The following MEP1A variants were observed in gnomAD, a reference collection of about 807,000 sequenced individuals.
MEP1A encodes meprin A subunit alpha.
Under a neutral mutation model 84.5 loss-of-function variants are expected in MEP1A, and 68 were observed. The observed-to-expected ratio is 0.80, with a 90% CI of 0.66 to 0.98. MEP1A has a LOEUF of 0.98. Among genes scored for constraint, MEP1A ranks in the 50% least tolerant of loss-of-function variants. The probability of loss-of-function intolerance (pLI) is 0.00; values close to 1 mark genes in which losing one functional copy is unlikely to be tolerated. For missense variants in MEP1A, 887 were observed against 919.9 expected (o/e 0.96, Z 0.46); for synonymous variants, 337 against 336.8 (o/e 1.00, Z -0.01).
chr6:46,834,844 G>A (rs1183600994), intron 12 of MEP1A, 93 bp downstream of exon 12: 1 of 958,702 alleles, frequency 1.0e-6, no homozygotes. Context: ...GGAGGGTGGG[G>A]ATGAGGTTAA....
At position 46,839,059 on chromosome 6, in the gene MEP1A, G is replaced by C. The variant is rs758716775; in HGVS notation, c.2164G>C (p.Val722Leu). Reference sequence around the variant, plus strand: ...GGTGCACGGCAGTGTCCTGGGCATGGTGATCGGAGGCACGGCTGGCGTGAT... The same window carrying C: ...GGTGCACGGCAGTGTCCTGGGCATGCTGATCGGAGGCACGGCTGGCGTGAT... ...VQVHGSVLGMVIGGTAGVIFL... is the reference protein window; with the variant it reads ...VQVHGSVLGMLIGGTAGVIFL... The change falls in exon 14 of 14, where the codon GTG (valine) becomes CTG (leucine). Residue 722 changes from valine to leucine, a missense_variant. Physicochemically the swap from Val to Leu is conservative, Grantham distance 32. Coordinates refer to ENST00000230588, the MANE Select transcript of MEP1A (RefSeq NM_005588.3). The C allele has an allele frequency of 6.2e-7, 1 of 1,613,880 alleles. No individual in the cohort carries two copies. The highest frequency in any genetic ancestry group is 1.1e-5 in the South Asian group (1 of 91,064).
chr6:46,819,415 A>G, intron 6 of MEP1A, 114 bp from the exon 7 acceptor site: 1 of 808,294 alleles, frequency 1.2e-6, no homozygotes, highest in Non-Finnish European at 1.9e-6. Context: ...TGCTGTTGGT[A>G]ATTTCTTTCT....
chr6:46,827,408 G>A (rs994494008), intron 9 of MEP1A, among the ~76,000 whole-genome samples: 3 of 152,242 alleles, frequency 2.0e-5, no homozygotes, highest in African/African-American at 4.8e-5. Flanking sequence ...CAGAGGTTCC[G>A]TTTATTTTGT....
chr6:46,809,837 A>AT lies in MEP1A; in HGVS notation c.380+309dup, dbSNP rs908829060. On this transcript the variant is annotated intron_variant, in intron 6 of 13. Transcript: ENST00000230588. ...GTATATATATATATATTTTACATATATTTTTTTTTCTTTATCACCTTGTTG... is the reference window on the plus strand; with the variant it reads ...GTATATATATATATATTTTACATATATTTTTTTTTTCTTTATCACCTTGTTG... Among the ~76,000 whole-genome samples the AT allele has an allele frequency of 1.2e-4, 7 of 58,878 alleles. No individual in the cohort carries two copies. The South Asian group carries it at 1.8e-3, about 15-fold the overall frequency. 38.6% of individuals were successfully genotyped at this position (58,878 alleles called of 152,430 possible). A position where few individuals can be genotyped will look rare whatever the true frequency, so the allele number is the denominator to read the frequency against.
At chr6:46,834,486 TGA>T in intron 11 of MEP1A, 90 bp from the exon 12 acceptor site, 3 of 374,208 alleles carry the variant, frequency 8.0e-6, no homozygotes, top group Non-Finnish European at 1.5e-5. Flanking sequence ...TATTTATTTC[TGA>T]TTCACAAAGC....
intron 3 of MEP1A, among the ~76,000 whole-genome samples, chr6:46,795,632 C>A (rs1195273059): frequency 6.6e-6 from 1 of 152,132 alleles, no homozygotes; most frequent in East Asian, 1.9e-4. Context: ...ACAGTTGAGA[C>A]TTTTCAGCAC....
In MEP1A at chr6:46,834,647, T is replaced by G; in HGVS notation, c.1679T>G (p.Phe560Cys). 1 of 1,611,422 alleles carries G rather than the reference T, an allele frequency of 6.2e-7. No individual in the cohort carries two copies. Among genetic ancestry groups the G allele is most frequent in the Non-Finnish European group, 8.5e-7 (1 of 1,179,420 alleles). ...ACCTATCATACGGACTGTAATTGTT[T>G]TAGAAGCATCGACTTGGGCTGGAGT... ...VGTYHTDCNC[F>C]RSIDLGWSGF... Residue 560 changes from phenylalanine to cysteine, a missense_variant, in exon 12 of 14, where the codon TTT becomes TGT. Physicochemically the swap from Phe to Cys is radical, Grantham distance 205. Transcript: ENST00000230588.
chr6:46,835,321 A>G lies in MEP1A; in HGVS notation c.1856A>G (p.Gln619Arg). ...CTGAGCCCCCAAGGCCTCATTCTCC[A>G]AGGCCAGGAGCAGCAGGTCTCCGAA... is the stretch of plus-strand genomic sequence containing the variant. ...KRLSPQGLIL[Q>R]GQEQQVSEEG... The change falls in exon 13 of 14, where the codon CAA becomes CGA. Residue 619 changes from glutamine to arginine, a missense_variant. Transcript: ENST00000230588. 6.2e-7 allele frequency: 1 copy of G among 1,608,452 alleles called. No individual in the cohort carries two copies. Among genetic ancestry groups the G allele is most frequent in the Non-Finnish European group, 8.5e-7 (1 of 1,177,498 alleles).
At chr6:46,798,717 G>A in intron 4 of MEP1A, 71 bp downstream of exon 4, 1 of 1,364,112 alleles carries the variant, frequency 7.3e-7, no homozygotes, top group Non-Finnish European at 1.0e-6. Context: ...TCTCTGCTCT[G>A]CGGCCAGCCC....
intron 7 of MEP1A, among the ~76,000 whole-genome samples, chr6:46,820,630 G>A (rs1014763399): frequency 1.3e-5 from 2 of 152,062 alleles, no homozygotes; most frequent in African/African-American, 2.4e-5. Context: ...TCAGGTGATC[G>A]GCCTGCCTTG....
At chr6:46,836,005 A>G (rs1768209431) in intron 13 of MEP1A, among the ~76,000 whole-genome samples, 1 of 152,212 alleles carries the variant, frequency 6.6e-6, no homozygotes, top group Non-Finnish European at 1.5e-5. Flanking sequence ...CAATAATAGT[A>G]GTAAGAACAC....
chr6:46,838,586 T>C (rs576138433), intron 13 of MEP1A, among the ~76,000 whole-genome samples: 11 of 152,288 alleles, frequency 7.2e-5, no homozygotes, highest in Admixed American at 1.3e-4. Context: ...CTTTGTAGCT[T>C]ATATTCTCAG....
intron 3 of MEP1A, among the ~76,000 whole-genome samples, chr6:46,797,946 C>A (rs1767102301): frequency 8.5e-6 from 1 of 117,714 alleles, no homozygotes; most frequent in African/African-American, 3.2e-5. Flanking sequence ...TTCCTTCCTT[C>A]CTTCCTTCCT....
At position 46,835,443 on chromosome 6, in the gene MEP1A, C is replaced by G. The variant is rs774580821; in HGVS notation, c.1978C>G (p.Pro660Ala). 2.5e-6 allele frequency: 4 copies of G among 1,612,412 alleles called. No homozygotes were observed. Among genetic ancestry groups the G allele is most frequent in the South Asian group, 1.1e-5 (1 of 90,742 alleles). Residue 660 changes from proline to alanine, a missense_variant, in exon 13 of 14, where the codon CCC becomes GCC. Transcript: ENST00000230588. Reference sequence around the variant, plus strand: ...GAAGCGGTCGGTGGAGAACACAGGCCCCCTGGAGGACCATAACTGGCCACA... The same window carrying G: ...GAAGCGGTCGGTGGAGAACACAGGCGCCCTGGAGGACCATAACTGGCCACA... ...RQKRSVENTG[P>A]LEDHNWPQYF...
chr6:46,795,314 C>T lies in MEP1A; in HGVS notation c.145+1598C>T, dbSNP rs1767026745. ...TCTTTTTTCTCTTTTCTTTTCTTTT[C>T]TCCTGAGATGGAGTGTTGCTATGTC... On this transcript the variant is annotated intron_variant, in intron 3 of 13. Coordinates refer to ENST00000230588, the MANE Select transcript of MEP1A (RefSeq NM_005588.3). 1.3e-5 allele frequency among the ~76,000 whole-genome samples: 2 copies of T among 151,992 alleles called. 1 individual carries two copies. The highest frequency in any genetic ancestry group is 1.3e-4 in the Admixed American group (2 of 15,248).
At chr6:46,794,276 C>T (rs1474678558) in intron 3 of MEP1A, among the ~76,000 whole-genome samples, 2 of 152,220 alleles carry the variant, frequency 1.3e-5, no homozygotes, top group Admixed American at 1.3e-4. Context: ...TGTCCTGCTT[C>T]TGAAATGAGA....
intron 9 of MEP1A, among the ~76,000 whole-genome samples, chr6:46,826,866 A>G (rs1255592982): frequency 6.6e-6 from 1 of 152,232 alleles, no homozygotes; most frequent in East Asian, 1.9e-4. Flanking sequence ...CACAATGGAT[A>G]ACACATGGGA....
intron 7 of MEP1A, 87 bp downstream of exon 7, chr6:46,819,791 C>T (rs1767726140): frequency 5.1e-6 from 7 of 1,372,920 alleles, no homozygotes; most frequent in Non-Finnish European, 7.1e-6. Context: ...TGGACAGGAG[C>T]TTCAGCCTCT....
At chr6:46,836,250 T>C (rs183422988) in intron 13 of MEP1A, among the ~76,000 whole-genome samples, 210 of 152,282 alleles carry the variant, frequency 1.4e-3, no homozygotes, top group African/African-American at 4.7e-3. Context: ...TTTGCTATAT[T>C]TTATAGTTCT....
Sources: allele counts gnomAD v4.1 joint callset (sites outside exome capture counted in the v4.1 genomes callset), GRCh38; gene constraint gnomAD v4.1.1; transcripts MANE v1.5; gene names NCBI Gene and HGNC (gene_info 2026-07-23, HGNC 2026-07-21).